DDR2: variants seen among roughly 807,000 people sequenced by gnomAD.
DDR2 encodes discoidin domain receptor tyrosine kinase 2.
A neutral mutation model predicts 94.9 loss-of-function variants in DDR2; 27 were observed. The observed-to-expected ratio is 0.28, with a 90% CI of 0.21 to 0.39. The LOEUF (loss-of-function observed/expected upper bound fraction) is 0.39. Ranked by LOEUF, DDR2 falls within the 10% of genes least tolerant of loss-of-function variation. The pLI, the probability that DDR2 is intolerant of heterozygous loss-of-function variation, is 1.00. For synonymous variants in DDR2, 382 were observed against 377.2 expected, an observed-to-expected ratio of 1.01 and a Z score of -0.15; for missense variants, 783 against 1,076.0, an observed-to-expected ratio of 0.73 and a Z score of 3.81.
intron 2 of DDR2, among the ~76,000 whole-genome samples, chr1:162,704,494 C>T (rs1660574589): frequency 6.6e-6 from 1 of 152,132 alleles, no homozygotes; most frequent in African/African-American, 2.4e-5. Context: ...AAAGATAGTC[C>T]AGTTACCTTA....
chr1:162,687,888 GC>G (rs1373540629), intron 2 of DDR2, among the ~76,000 whole-genome samples: 1 of 152,158 alleles, frequency 6.6e-6, no homozygotes, highest in Non-Finnish European at 1.5e-5. Flanking sequence ...TCTTTTGGGT[GC>G]CCTTTTATAT....
chr1:162,758,143 C>T (rs745367989), intron 7 of DDR2, among the ~76,000 whole-genome samples: 7 of 151,746 alleles, frequency 4.6e-5, no homozygotes, highest in Admixed American at 2.0e-4. Flanking sequence ...GGAAGGTAGC[C>T]GGAATTATGG....
intron 1 of DDR2, among the ~76,000 whole-genome samples, chr1:162,645,517 A>G (rs1330849301): frequency 4.6e-5 from 7 of 152,214 alleles, no homozygotes; most frequent in African/African-American, 1.4e-4. Flanking sequence ...TTTTAATGTG[A>G]TAGATAATGT....
intron 7 of DDR2, among the ~76,000 whole-genome samples, chr1:162,759,276 T>C (rs1219699408): frequency 1.3e-5 from 2 of 152,296 alleles, no homozygotes; most frequent in Non-Finnish European, 2.9e-5. Flanking sequence ...TTCTCTGAAA[T>C]TGATTCACTG....
At chr1:162,714,993 T>C (rs1661098229) in intron 2 of DDR2, among the ~76,000 whole-genome samples, 1 of 152,210 alleles carries the variant, frequency 6.6e-6, no homozygotes, top group Non-Finnish European at 1.5e-5. Flanking sequence ...CATGCTTCCA[T>C]GTATACTTTT....
rs1657660344 is a variant in DDR2 at position 162,650,989 on chromosome 1, A to G, written c.-191-4222A>G. Among the ~76,000 whole-genome samples the G allele has an allele frequency of 2.0e-5, 3 of 152,142 alleles. No homozygotes were observed. The South Asian group carries it at 6.2e-4, about 32-fold the overall frequency. ...AGTGATCCACCTGCCTTGGCCTCCC[A>G]AAGTGCTGGGATTACAGGCATGAAC... is the stretch of plus-strand genomic sequence containing the variant. On this transcript the variant is annotated intron_variant, in intron 1 of 17. Transcript: ENST00000367921.
rs1648159773 is a variant in DDR2 at position 162,786,598 on chromosome 1, G to GCCA, written c.*6352_*6353insCCA. ...ATGGATCTCCCTTTCTGTATAAACA[G>GCCA]TGCCAGTTCTGGGCTTTGTAACCTT... On this transcript the variant is annotated 3_prime_UTR_variant, in exon 18 of 18. Coordinates refer to ENST00000367921, the MANE Select transcript of DDR2 (RefSeq NM_006182.4). 1 of 152,130 alleles carries GCCA rather than the reference G, an allele frequency of 6.6e-6. No individual in the cohort carries two copies. Among genetic ancestry groups the GCCA allele is most frequent in the Non-Finnish European group, 1.5e-5 (1 of 68,034 alleles). 9.4% of individuals were successfully genotyped at this position (152,130 alleles called of 1,614,324 possible).
Position 162,782,651 on chromosome 1 carries a change from AAT to A in DDR2, c.*2408_*2409del, listed in dbSNP as rs1647968441. 1.3e-5 allele frequency: 2 copies of A among 152,148 alleles called. No individual in the cohort carries two copies. The highest frequency in any genetic ancestry group is 4.1e-4 in the South Asian group (2 of 4,822). The allele number at this position is 152,148 out of a possible 1,614,324, so 9.4% of individuals were successfully genotyped here. A position where few individuals can be genotyped will look rare whatever the true frequency, so the allele number is the denominator to read the frequency against. On this transcript the variant is annotated 3_prime_UTR_variant, in exon 18 of 18. Coordinates refer to ENST00000367921, the MANE Select transcript of DDR2 (RefSeq NM_006182.4). ...GACTTCTTATAGAGCAAGAGAAAAT[AAT>A]ATTATTATATCTTCCTTTGCCTAAA...
intron 3 of DDR2, among the ~76,000 whole-genome samples, chr1:162,740,478 T>G (rs1662534956): frequency 6.6e-6 from 1 of 152,208 alleles, no homozygotes. Context: ...CTGTTCCCCT[T>G]GCATAAACCA....
intron 2 of DDR2, among the ~76,000 whole-genome samples, chr1:162,713,566 A>C (rs922393303): frequency 1.5e-4 from 23 of 152,280 alleles, no homozygotes; most frequent in African/African-American, 3.6e-4. Flanking sequence ...AATGTACATG[A>C]GTGTGTGTCT....
chr1:162,686,328 G>C (rs924175819), intron 2 of DDR2, among the ~76,000 whole-genome samples: 2 of 152,102 alleles, frequency 1.3e-5, no homozygotes, highest in Non-Finnish European at 2.9e-5. Context: ...TTTAAGCCCT[G>C]CATGCATTAG....
chr1:162,714,072 T>A (rs2077721284), intron 2 of DDR2, among the ~76,000 whole-genome samples: 1 of 152,200 alleles, frequency 6.6e-6, no homozygotes, highest in South Asian at 2.1e-4. Flanking sequence ...TTGAATACTT[T>A]TAGATGTTTA....
At chr1:162,760,388 ACAC>A (rs1412422736) in intron 8 of DDR2, among the ~76,000 whole-genome samples, 1 of 149,616 alleles carries the variant, frequency 6.7e-6, no homozygotes, top group Non-Finnish European at 1.5e-5. Flanking sequence ...GTGTATACAC[ACAC>A]AACTATATAT....
At chr1:162,741,959 A>G (rs1406972681) in intron 3 of DDR2, among the ~76,000 whole-genome samples, 1 of 152,226 alleles carries the variant, frequency 6.6e-6, no homozygotes, top group Non-Finnish European at 1.5e-5. Context: ...TTCAAAAAGT[A>G]CATTGATCTC....
At chr1:162,691,972 AGGT>A (rs1358569440) in intron 2 of DDR2, among the ~76,000 whole-genome samples, 2 of 152,244 alleles carry the variant, frequency 1.3e-5, no homozygotes, top group Non-Finnish European at 1.5e-5. Context: ...CAAGGCCTGT[AGGT>A]GGGTGGAGAC....
chr1:162,766,731 A>T (rs1664007506), intron 10 of DDR2, among the ~76,000 whole-genome samples: 1 of 152,120 alleles, frequency 6.6e-6, no homozygotes, highest in South Asian at 2.1e-4. Flanking sequence ...GAAATAGGAT[A>T]GGGGAACAAA....
Position 162,761,115 on chromosome 1 carries a change from A to T in DDR2, c.856-96A>T. On this transcript the variant is annotated intron_variant, in intron 8 of 17. Coordinates refer to ENST00000367921, the MANE Select transcript of DDR2 (RefSeq NM_006182.4). ...CTTACCTCAGTTCAGAATAGCTCGAATCAGGGTAGACGGCAACTACTGAGT... is the reference window on the plus strand; with the variant it reads ...CTTACCTCAGTTCAGAATAGCTCGATTCAGGGTAGACGGCAACTACTGAGT... 3.8e-6 allele frequency: 6 copies of T among 1,567,332 alleles called. No individual in the cohort carries two copies. The South Asian group carries it at 5.6e-5, about 15-fold the overall frequency.
At chr1:162,696,693 C>A (rs116707526) in intron 2 of DDR2, among the ~76,000 whole-genome samples, 1 of 152,116 alleles carries the variant, frequency 6.6e-6, no homozygotes, top group Non-Finnish European at 1.5e-5. Context: ...TGGCTGGAGC[C>A]TAAACCAGAG....
rs537501818 is a variant in DDR2, at chr1:162,647,393, C to T, written c.-191-7818C>T. Among the ~76,000 whole-genome samples the T allele has an allele frequency of 2.6e-5, 4 of 151,396 alleles. No homozygotes were observed. In the East Asian group the frequency reaches 5.9e-4, roughly 22 times the overall value. ...TCTAAGGTCAATATGGATTTGTTACCGGCAAGGGGTCCCAATCTACACCCC... is the reference window on the plus strand; with the variant it reads ...TCTAAGGTCAATATGGATTTGTTACTGGCAAGGGGTCCCAATCTACACCCC... On this transcript the variant is annotated intron_variant, in intron 1 of 17. Coordinates refer to ENST00000367921, the MANE Select transcript of DDR2 (RefSeq NM_006182.4).
Sources: allele counts gnomAD v4.1 joint callset (sites outside exome capture counted in the v4.1 genomes callset), GRCh38; gene constraint gnomAD v4.1.1; transcripts MANE v1.5; gene names NCBI Gene and HGNC (gene_info 2026-07-23, HGNC 2026-07-21).